PCNX1: variants seen among roughly 807,000 people sequenced by gnomAD.
PCNX1 encodes pecanex-like protein 1.
In PCNX1, 78 loss-of-function variants were observed where a neutral mutation model predicts 242.2. The observed-to-expected ratio is 0.32, with a 90% confidence interval of 0.27 to 0.39. The LOEUF is 0.39. PCNX1 is among the 10% of genes least tolerant of loss of function. PCNX1 has a pLI of 1.00. For synonymous variants in PCNX1, 1,024 were observed against 1,032.9 expected, an observed-to-expected ratio of 0.99 and a Z score of 0.17; for missense variants, 2,581 against 2,856.5, an observed-to-expected ratio of 0.90 and a Z score of 2.20.
At chr14:71,040,971 G>C (rs2060686564) in intron 19 of PCNX1, among the ~76,000 whole-genome samples, 1 of 152,072 alleles carries the variant, frequency 6.6e-6, no homozygotes, top group African/African-American at 2.4e-5. Context: ...ATGACCTCCA[G>C]TTCCATCCAT....
chr14:71,009,818 G>GT (rs34870105), intron 9 of PCNX1, 94 bp downstream of exon 9: 2 of 601,200 alleles, frequency 3.3e-6, no homozygotes, highest in Admixed American at 3.6e-5. Context: ...TAATTTTTTT[G>GT]TTTTTTATAA....
rs746461339 is a variant in PCNX1 at position 71,076,403 on chromosome 14, C to G, written c.5321C>G (p.Ser1774Cys). 6 of 1,601,192 alleles carry G rather than the reference C, an allele frequency of 3.7e-6. No homozygotes were observed. Among genetic ancestry groups the G allele is most frequent in the Non-Finnish European group, 5.1e-6 (6 of 1,168,500 alleles). The change falls in exon 28 of 36, where the codon TCT (serine) becomes TGT (cysteine). Residue 1774 changes from serine (S) to cysteine (C), a missense_variant. Coordinates refer to ENST00000304743, the MANE Select transcript of PCNX1 (RefSeq NM_014982.3). The stretch of plus-strand genomic sequence containing the variant: ...TACCTCAACTGGATAGAGTACTGCT[C>G]TTCCCGAAGAGCAAAGGTAGAGTTT... ...VIYLNWIEYC[S>C]SRRAKPVDVD... is the part of the protein sequence containing the mutation.
At chr14:71,031,127 C>T (rs777004881) in intron 16 of PCNX1, among the ~76,000 whole-genome samples, 5 of 152,162 alleles carry the variant, frequency 3.3e-5, no homozygotes, top group Non-Finnish European at 5.9e-5. Context: ...GCCCAAGAGC[C>T]CTGGGTGTCT....
chr14:71,002,700 C>CT (rs2059539149), intron 8 of PCNX1, among the ~76,000 whole-genome samples: 1 of 152,078 alleles, frequency 6.6e-6, no homozygotes, highest in Middle Eastern at 3.2e-3. Context: ...GTAGTTTGTT[C>CT]TTTCTTACTG....
intron 28 of PCNX1, among the ~76,000 whole-genome samples, chr14:71,079,196 T>G (rs2061789806): frequency 6.6e-6 from 1 of 152,252 alleles, no homozygotes; most frequent in African/African-American, 2.4e-5. Context: ...TTTTTATGGC[T>G]GCATAGTATT....
chr14:70,916,399 T>A (rs1281209876), intron 1 of PCNX1, among the ~76,000 whole-genome samples: 1 of 151,932 alleles, frequency 6.6e-6, no homozygotes, highest in Non-Finnish European at 1.5e-5. Context: ...AAGACAGAGT[T>A]GTAAAATGAA....
At chr14:71,054,058 A>C (rs984273369) in intron 24 of PCNX1, among the ~76,000 whole-genome samples, 3 of 152,256 alleles carry the variant, frequency 2.0e-5, no homozygotes, top group Admixed American at 2.0e-4. Context: ...TGCTGGGATT[A>C]CAGGCATGAG....
intron 12 of PCNX1, among the ~76,000 whole-genome samples, chr14:71,022,968 A>G (rs190296010): frequency 2.6e-5 from 4 of 152,262 alleles, no homozygotes; most frequent in Admixed American, 6.5e-5. Flanking sequence ...AAATAAATAC[A>G]TAATAATCTT....
intron 2 of PCNX1, among the ~76,000 whole-genome samples, chr14:70,953,091 G>C (rs2057850877): frequency 6.6e-6 from 1 of 152,016 alleles, no homozygotes; most frequent in Admixed American, 6.6e-5. Flanking sequence ...AACATAGTGA[G>C]ACCTTGTCTT....
Position 71,110,974 on chromosome 14 carries a change from TCA to T in PCNX1, c.*1040_*1041del, listed in dbSNP as rs1370874482. 3 of 152,650 alleles carry T rather than the reference TCA, an allele frequency of 2.0e-5. No homozygotes were observed. Among genetic ancestry groups the T allele is most frequent in the Admixed American group, 6.5e-5 (1 of 15,280 alleles). The allele number at this position is 152,650 out of a possible 1,614,324, so 9.5% of individuals were successfully genotyped here. A position where few individuals can be genotyped will look rare whatever the true frequency, so the allele number is the denominator to read the frequency against. ...GCTCTTGAAGTTATTCACATGCAGT[TCA>T]GTTAGTCAAGTAAAATTTTTTTTCA... On this transcript the variant is annotated 3_prime_UTR_variant, in exon 36 of 36. Coordinates refer to ENST00000304743, the MANE Select transcript of PCNX1 (RefSeq NM_014982.3).
chr14:71,040,657 C>A (rs2060677656), intron 19 of PCNX1, among the ~76,000 whole-genome samples: 1 of 151,954 alleles, frequency 6.6e-6, no homozygotes, highest in Non-Finnish European at 1.5e-5. Flanking sequence ...GGTATTCATC[C>A]CCTCAAGCAT....
chr14:71,018,340 G>GAT lies in PCNX1; in HGVS notation c.2997-658_2997-657dup, dbSNP rs578189983. ...GTATGAAATAAAAATAATCTTCATT[G>GAT]ATATATATATATGTATATCTTGAGC... On this transcript the variant is annotated intron_variant, in intron 11 of 35. Transcript: ENST00000304743. Among the ~76,000 whole-genome samples, 591 of 151,740 alleles carry GAT rather than the reference G, an allele frequency of 3.9e-3. 1 individual carries two copies. The highest frequency in any genetic ancestry group is 0.013 in the African/African-American group (530 of 41,424).
At chr14:71,006,961 A>G (rs1304652624) in intron 8 of PCNX1, among the ~76,000 whole-genome samples, 1 of 152,198 alleles carries the variant, frequency 6.6e-6, no homozygotes, top group African/African-American at 2.4e-5. Flanking sequence ...TTAAGAACCT[A>G]AACATGCTTC....
intron 8 of PCNX1, among the ~76,000 whole-genome samples, chr14:70,997,539 A>G (rs2059388191): frequency 6.6e-6 from 1 of 152,164 alleles, no homozygotes; most frequent in South Asian, 2.1e-4. Context: ...CTGAAGATTG[A>G]AAAAACCTCT....
In PCNX1 at chr14:71,008,172, C is replaced by T. The variant is rs938751937; in HGVS notation, c.2630-1462C>T. 4.0e-5 allele frequency among the ~76,000 whole-genome samples: 6 copies of T among 151,848 alleles called. No individual in the cohort carries two copies. In the East Asian group the frequency reaches 9.6e-4, roughly 24 times the overall value. ...TTGTTGTTTTTTTCCTGGTTCTAGTCGTTTTAAAGAATGAAGTAATGCTTG... is the reference window on the plus strand; with the variant it reads ...TTGTTGTTTTTTTCCTGGTTCTAGTTGTTTTAAAGAATGAAGTAATGCTTG... On this transcript the variant is annotated intron_variant, in intron 8 of 35. Transcript: ENST00000304743.
At chr14:70,949,548 A>G (rs559051431) in intron 2 of PCNX1, among the ~76,000 whole-genome samples, 9 of 151,890 alleles carry the variant, frequency 5.9e-5, no homozygotes, top group Non-Finnish European at 8.8e-5. Context: ...TACTTAACCT[A>G]TTGTAAATTT....
chr14:71,043,901 A>G (rs567620620), intron 19 of PCNX1, among the ~76,000 whole-genome samples: 73 of 151,804 alleles, frequency 4.8e-4, no homozygotes, highest in African/African-American at 1.7e-3. Flanking sequence ...TTGCTTTTTC[A>G]TGTTTCTTGT....
At chr14:71,047,154 A>G in intron 21 of PCNX1, 49 bp downstream of exon 21, 1 of 1,115,472 alleles carries the variant, frequency 9.0e-7, no homozygotes, top group African/African-American at 1.6e-5. Flanking sequence ...GGGCTGTTAT[A>G]AACAATGTCT....
chr14:70,975,336 A>C (rs1025697586), intron 5 of PCNX1, among the ~76,000 whole-genome samples: 1 of 100,680 alleles, frequency 9.9e-6, no homozygotes, highest in Admixed American at 1.2e-4. Context: ...GGAAAATAAT[A>C]AAGAACGGGT....
Sources: gnomAD v4.1 joint callset for allele counts (sites outside exome capture counted in the v4.1 genomes callset) on GRCh38, gnomAD v4.1.1 for gene constraint, MANE v1.5 for transcripts, NCBI Gene and HGNC (gene_info 2026-07-23, HGNC 2026-07-21) for gene names.